Variants in ITGB2 observed in about 807,000 individuals in gnomAD.
ITGB2 encodes the protein integrin subunit beta 2, also known as integrin beta-2.
ITGB2 carries 56 observed loss-of-function variants against 86.8 expected under a neutral mutation model. That is an observed-to-expected ratio of 0.65 (90% CI 0.52 to 0.81). The LOEUF (loss-of-function observed/expected upper bound fraction) is 0.81. Ranked by LOEUF, ITGB2 falls within the 30% of genes least tolerant of loss-of-function variation. The probability of loss-of-function intolerance (pLI) is 0.00; values close to 1 mark genes in which losing one functional copy is unlikely to be tolerated. For synonymous variants in ITGB2, 457 were observed against 450.4 expected (o/e 1.01, Z -0.19); for missense variants, 948 against 1,061.2 (o/e 0.89, Z 1.48).
At chr21:44,910,589 C>A (rs770441978) in intron 2 of ITGB2, 136 bp downstream of exon 2, 2 of 1,363,022 alleles carry the variant, frequency 1.5e-6, no homozygotes, top group South Asian at 2.5e-5. Context: ...AGGCCTGAGT[C>A]CCCGACCTAC....
At chr21:44,923,781 T>C (rs932678826), upstream of ITGB2, among the ~76,000 whole-genome samples, 10 of 152,254 alleles carry the variant, frequency 6.6e-5, no homozygotes, top group African/African-American at 2.4e-4. Context: ...GGTGAATTTA[T>C]GTTATGTATA....
chr21:44,904,066 C>T (rs552215842), intron 4 of ITGB2, among the ~76,000 whole-genome samples: 56 of 152,250 alleles, frequency 3.7e-4, no homozygotes, highest in Non-Finnish European at 6.6e-4. Context: ...TACCTGTCAC[C>T]GCAACCAGCC....
upstream of ITGB2, among the ~76,000 whole-genome samples, chr21:44,922,660 A>G (rs3761396): frequency 6.7e-3 from 193 of 28,652 alleles, 2 homozygotes; most frequent in African/African-American, 0.022. Context: ...GTAACTGAGA[A>G]AAAAAAAAAA....
chr21:44,891,760 G>A, intron 11 of ITGB2, 49 bp downstream of exon 11: 1 of 1,589,576 alleles, frequency 6.3e-7, no homozygotes, highest in South Asian at 1.1e-5. Context: ...CACCTGCCCT[G>A]TGGGGTGGGG....
intron 1 of ITGB2, among the ~76,000 whole-genome samples, chr21:44,918,998 T>TCCCCTCCCCCAGCACTCGGAGCTGAGCG (rs1555861633): frequency 1.7e-5 from 1 of 57,734 alleles, no homozygotes; most frequent in African/African-American, 1.4e-4. Flanking sequence ...GAGCTGAGCA[T>TCCCCTCCCCCAGCACTCGGAGCTGAGCG]TCCCCTCTCC....
intron 1 of ITGB2, among the ~76,000 whole-genome samples, chr21:44,914,588 C>T (rs1241205895): frequency 6.6e-6 from 1 of 152,170 alleles, no homozygotes; most frequent in East Asian, 1.9e-4. Context: ...ATCACACACA[C>T]CCTTTCACAG....
chr21:44,911,509 G>C (rs915446916), intron 1 of ITGB2: 1 of 152,578 alleles, frequency 6.6e-6, no homozygotes, highest in African/African-American at 2.4e-5. Flanking sequence ...CTGGATGCCC[G>C]CGGGTGCCAG....
At chr21:44,922,384 TG>T (rs2084317960), upstream of ITGB2, among the ~76,000 whole-genome samples, 1 of 152,128 alleles carries the variant, frequency 6.6e-6, no homozygotes, top group South Asian at 2.1e-4. Context: ...ATCTTTATTT[TG>T]GGCATGGTGG....
chr21:44,888,754 G>A lies in ITGB2; in HGVS notation c.2019C>T (p.Ala673=). Residue 673 remains alanine (A), a synonymous_variant, in exon 14 of 16, where the codon GCC becomes GCT. Transcript: ENST00000652462. ...TCCCGTCCTGCTGCTCCAGCGTGTAGGCCACCCAGCAGCCCTCTGAGTCCC... is the reference window on the plus strand; with the variant it reads ...TCCCGTCCTGCTGCTCCAGCGTGTAAGCCACCCAGCAGCCCTCTGAGTCCC... ...KERDSEGCWV[A]YTLEQQDGMD... 1 of 1,611,856 alleles carries A rather than the reference G, an allele frequency of 6.2e-7. No individual in the cohort carries two copies. Among genetic ancestry groups the A allele is most frequent in the Non-Finnish European group, 8.5e-7 (1 of 1,179,982 alleles).
At chr21:44,919,020 G>GCT (rs58007154) in intron 1 of ITGB2, among the ~76,000 whole-genome samples, 47 of 149,594 alleles carry the variant, frequency 3.1e-4, no homozygotes, top group Admixed American at 4.0e-4. Context: ...AGCACTCGGA[G>GCT]GCACCTGCAG....
chr21:44,909,049 C>A (rs898016094), intron 3 of ITGB2, among the ~76,000 whole-genome samples: 7 of 152,186 alleles, frequency 4.6e-5, no homozygotes, highest in African/African-American at 1.7e-4. Flanking sequence ...GAGTGGCAGG[C>A]GGGGACCAGC....
Position 44,898,976 on chromosome 21 carries a change from G to A in ITGB2, c.993+91C>T, listed in dbSNP as rs1305223474. 5.8e-6 allele frequency: 6 copies of A among 1,026,822 alleles called. No homozygotes were observed. In the African/African-American group the frequency reaches 9.5e-5, roughly 16 times the overall value. 63.6% of individuals were successfully genotyped at this position (1,026,822 alleles called of 1,614,324 possible). On this transcript the variant is annotated intron_variant, in intron 8 of 15. Coordinates refer to ENST00000652462, the MANE Select transcript of ITGB2 (RefSeq NM_000211.5). The stretch of plus-strand genomic sequence containing the variant: ...GTTGCTCACGTGCCCAGCATGCAGA[G>A]GTGGCGCTCAGACCTGCAGTGGCGC...
At position 44,891,802 on chromosome 21, in the gene ITGB2, G is replaced by A. The variant is rs368194398; in HGVS notation, c.1412+7C>T. The A allele has an allele frequency of 4.3e-5, 69 of 1,602,528 alleles. No individual in the cohort carries two copies. Among genetic ancestry groups the A allele is most frequent in the African/African-American group, 1.2e-4 (9 of 74,920 alleles). ...GATGGTTCAACAGGGACCTGCGCCC[G>A]CCTCACCTGCAGATGCCGCACTCCA... On this transcript the variant is annotated splice_region_variant and intron_variant, in intron 11 of 15. Transcript: ENST00000652462.
At chr21:44,924,971 G>C (rs2084353455), upstream of ITGB2, among the ~76,000 whole-genome samples, 1 of 152,186 alleles carries the variant, frequency 6.6e-6, no homozygotes, top group African/African-American at 2.4e-5. Context: ...GGAGATGGAA[G>C]CAGAGGGCTT....
At chr21:44,919,738 C>T (rs1184943693) in intron 1 of ITGB2, among the ~76,000 whole-genome samples, 5 of 152,232 alleles carry the variant, frequency 3.3e-5, no homozygotes, top group Admixed American at 3.3e-4. Flanking sequence ...CCCTCCTTCT[C>T]CCCACCCAGG....
chr21:44,927,196 T>G (rs1358717004), intron 1 of ITGB2, among the ~76,000 whole-genome samples: 1 of 152,020 alleles, frequency 6.6e-6, no homozygotes. Flanking sequence ...GGAGACCCCA[T>G]AGGAGCAGGG....
intron 2 of ITGB2, 102 bp from the exon 3 acceptor site, chr21:44,910,474 G>C (rs117163067): frequency 6.3e-6 from 10 of 1,585,744 alleles, no homozygotes; most frequent in Non-Finnish European, 8.6e-6. Context: ...AAAAGACAGG[G>C]AGGCAGCCTC....
In ITGB2 at chr21:44,889,183, T is replaced by C. The variant is rs73906934; in HGVS notation, c.1877+93A>G. 1.9e-3 allele frequency: 2,333 copies of C among 1,242,492 alleles called. 32 individuals are homozygous for C. In the African/African-American group the frequency reaches 0.032, roughly 17 times the overall value. The allele number at this position is 1,242,492 out of a possible 1,614,324, so 77.0% of individuals were successfully genotyped here. A position where few individuals can be genotyped will look rare whatever the true frequency, so the allele number is the denominator to read the frequency against. On this transcript the variant is annotated intron_variant, in intron 13 of 15. Coordinates refer to ENST00000652462, the MANE Select transcript of ITGB2 (RefSeq NM_000211.5). ...CGCAGAGAACCCCGCGGTGCAGAGG[T>C]GCTCACTGGGGTCCCCGAGTGAGCC...
At chr21:44,899,544 C>T (rs181956672) in intron 7 of ITGB2, among the ~76,000 whole-genome samples, 127 of 118,958 alleles carry the variant, frequency 1.1e-3, no homozygotes, top group South Asian at 3.0e-3. Flanking sequence ...TTCCGGGACC[C>T]GAGGGCCGTC....
Sources: allele counts gnomAD v4.1 joint callset (sites outside exome capture counted in the v4.1 genomes callset), GRCh38; gene constraint gnomAD v4.1.1; transcripts MANE v1.5; gene names NCBI Gene and HGNC (gene_info 2026-07-23, HGNC 2026-07-21).